Variants in CALY observed in about 807,000 individuals in gnomAD.
The protein encoded by CALY is neuron-specific vesicular protein calcyon.
Under a neutral mutation model 20.2 loss-of-function variants are expected in CALY, and 15 were observed. The ratio of observed to expected loss-of-function variants is 0.74; its 90% CI spans 0.50 to 1.14. The LOEUF is 1.14. CALY is among the 50% of genes most tolerant of loss of function. The pLI is 0.00. For missense variants in CALY, 270 were observed against 304.4 expected, an observed-to-expected ratio of 0.89 and a Z score of 0.84; for synonymous variants, 129 against 131.8, an observed-to-expected ratio of 0.98 and a Z score of 0.15.
intron 1 of CALY, among the ~76,000 whole-genome samples, chr10:133,329,428 C>T (rs1444663393): frequency 1.4e-5 from 2 of 141,544 alleles, no homozygotes; most frequent in Non-Finnish European, 3.0e-5. Context: ...GTTTTGTGGC[C>T]CAGGTGGGAG....
intron 1 of CALY, among the ~76,000 whole-genome samples, 195 bp downstream of exon 1, chr10:133,336,639 C>T (rs1266319477): frequency 2.0e-5 from 3 of 152,176 alleles, no homozygotes; most frequent in Non-Finnish European, 4.4e-5. Flanking sequence ...GGCGGCCGTG[C>T]AGCGCGCCCT....
At chr10:133,335,265 G>A (rs889564997) in intron 1 of CALY, among the ~76,000 whole-genome samples, 6 of 152,072 alleles carry the variant, frequency 3.9e-5, no homozygotes, top group African/African-American at 1.4e-4. Flanking sequence ...ACAGACGGGC[G>A]AGGGGGAGGC....
At chr10:133,327,662 A>G (rs1848235683) in intron 3 of CALY, 1 of 620,498 alleles carries the variant, frequency 1.6e-6, no homozygotes, top group Non-Finnish European at 2.9e-6. Context: ...ACTTCCCAGA[A>G]AGAAAAACAT....
intron 1 of CALY, among the ~76,000 whole-genome samples, chr10:133,329,834 C>T (rs1205793673): frequency 6.6e-6 from 1 of 151,058 alleles, no homozygotes; most frequent in Non-Finnish European, 1.5e-5. Flanking sequence ...CGGTATGGGA[C>T]GTGCTTATCC....
intron 1 of CALY, among the ~76,000 whole-genome samples, chr10:133,335,222 G>A (rs1040276644): frequency 1.2e-4 from 18 of 152,106 alleles, no homozygotes; most frequent in Admixed American, 3.9e-4. Flanking sequence ...GGGTCTCCCC[G>A]GAGCGGACGC....
chr10:133,332,247 A>G (rs185383329), intron 1 of CALY, among the ~76,000 whole-genome samples: 194 of 152,296 alleles, frequency 1.3e-3, no homozygotes, highest in African/African-American at 4.5e-3. Flanking sequence ...CACGTGACAC[A>G]CTTTGCACAC....
Position 133,328,904 on chromosome 10 carries a change from A to G in CALY, c.86T>C (p.Leu29Pro). The G allele has an allele frequency of 6.4e-7, 1 of 1,553,192 alleles. No individual in the cohort carries two copies. Among genetic ancestry groups the G allele is most frequent in the Non-Finnish European group, 8.7e-7 (1 of 1,148,706 alleles). ...QDGAAMDSVP[L>P]ISPLDISQLQ... ...CTGGCTGATGTCCAAGGGGCTGATC[A>G]GAGGCACACTGTCCATGGCAGCCCC... The change falls in exon 2 of 6, where the codon CTG becomes CCG. Residue 29 changes from leucine (L) to proline (P), a missense_variant. Transcript: ENST00000252939.
Position 133,336,888 on chromosome 10 carries a change from G to T in CALY, c.-75C>A. 1 of 152,436 alleles carries T rather than the reference G, an allele frequency of 6.6e-6. No individual in the cohort carries two copies. The highest frequency in any genetic ancestry group is 2.1e-4 in the South Asian group (1 of 4,846). The allele number at this position is 152,436 out of a possible 1,614,324, so 9.4% of individuals were successfully genotyped here. A position where few individuals can be genotyped will look rare whatever the true frequency, so the allele number is the denominator to read the frequency against. On this transcript the variant is annotated 5_prime_UTR_variant, in exon 1 of 6. Coordinates refer to ENST00000252939, the MANE Select transcript of CALY (RefSeq NM_015722.4). ...CGCGGTCGGGGAGGACGACGATGCG[G>T]ATGTGGATGCGGAGGATGCGGTTCC...
intron 1 of CALY, among the ~76,000 whole-genome samples, chr10:133,331,920 A>T (rs1308192125): frequency 6.6e-6 from 1 of 152,168 alleles, no homozygotes; most frequent in Non-Finnish European, 1.5e-5. Context: ...CAAGATCAGG[A>T]GTTTGAGACC....
chr10:133,328,313 G>C (rs532897804), intron 2 of CALY, among the ~76,000 whole-genome samples: 1 of 152,334 alleles, frequency 6.6e-6, no homozygotes, highest in East Asian at 1.9e-4. Flanking sequence ...AATTGCCCTT[G>C]GCCAGCAGGG....
rs139888672 is a variant in CALY, at chr10:133,328,923, C to G, written c.67G>C (p.Ala23Pro). ...GKDPGDQDGA[A>P]MDSVPLISPL... is the part of the protein sequence containing the mutation. ...CTGATCAGAGGCACACTGTCCATGG[C>G]AGCCCCATCCTGGTCCCCAGGGTCT... is the stretch of plus-strand genomic sequence containing the variant. The change falls in exon 2 of 6, where the codon GCC becomes CCC. Residue 23 changes from alanine to proline, a missense_variant. By Grantham distance (27) the Ala-to-Pro change is conservative. Coordinates refer to ENST00000252939, the MANE Select transcript of CALY (RefSeq NM_015722.4). The G allele has an allele frequency of 1.2e-5, 18 of 1,557,182 alleles. No individual in the cohort carries two copies. In the African/African-American group the frequency reaches 2.3e-4, roughly 20 times the overall value.
chr10:133,333,388 A>G lies in CALY; in HGVS notation c.-21+3446T>C, dbSNP rs1432570917. Among the ~76,000 whole-genome samples the G allele has an allele frequency of 2.8e-3, 248 of 88,116 alleles. 1 individual carries two copies. The highest frequency in any genetic ancestry group is 0.011 in the African/African-American group (239 of 22,642). The allele number at this position is 88,116 out of a possible 152,430, so 57.8% of individuals were successfully genotyped here. On this transcript the variant is annotated intron_variant, in intron 1 of 5. Coordinates refer to ENST00000252939, the MANE Select transcript of CALY (RefSeq NM_015722.4). ...GGTGGGGGTGGGGTGGAGGGGAGGG[A>G]TCCGAGCGGAGGGGTCCGAGGGTGG... is the stretch of plus-strand genomic sequence containing the variant.
At chr10:133,331,074 A>G (rs902267401) in intron 1 of CALY, among the ~76,000 whole-genome samples, 1 of 152,260 alleles carries the variant, frequency 6.6e-6, no homozygotes, top group Non-Finnish European at 1.5e-5. Context: ...ATCAATTGCT[A>G]GAGGAGCAGA....
chr10:133,325,910 G>C lies in CALY; in HGVS notation c.571C>G (p.Pro191Ala). 7.7e-7 allele frequency: 1 copy of C among 1,299,836 alleles called. No homozygotes were observed. Among genetic ancestry groups the C allele is most frequent in the South Asian group, 2.4e-5 (1 of 40,918 alleles). 80.5% of individuals were successfully genotyped at this position (1,299,836 alleles called of 1,614,324 possible). The change falls in exon 5 of 6, where the codon CCC (proline) becomes GCC (alanine). Residue 191 changes from proline to alanine, a missense_variant. Coordinates refer to ENST00000252939, the MANE Select transcript of CALY (RefSeq NM_015722.4). ...QAGAAAAATEPPGKPSAKAEK... is the reference protein window; with the variant it reads ...QAGAAAAATEAPGKPSAKAEK... ...GCCTTGGCCGACGGCTTCCCGGGGG[G>C]TTCGGTGGCCGCCGCCGCCGCCCCA...
At chr10:133,333,364 G>A (rs1848349309) in intron 1 of CALY, among the ~76,000 whole-genome samples, 3 of 143,534 alleles carry the variant, frequency 2.1e-5, no homozygotes, top group Admixed American at 7.0e-5. Context: ...GATTGCGCGG[G>A]TGGGGGTGGG....
intron 1 of CALY, among the ~76,000 whole-genome samples, chr10:133,331,302 C>T (rs1283042350): frequency 6.6e-6 from 1 of 152,182 alleles, no homozygotes; most frequent in Admixed American, 6.5e-5. Context: ...AAAGAAAGAG[C>T]TCCAGTGCCA....
At chr10:133,326,201 T>G (rs1316558518) in intron 4 of CALY, 81 bp from the exon 5 acceptor site, 1 of 1,555,790 alleles carries the variant, frequency 6.4e-7, no homozygotes, top group Non-Finnish European at 8.7e-7. Context: ...CTTCTGCGGT[T>G]GGGGACACTG....
intron 1 of CALY, among the ~76,000 whole-genome samples, chr10:133,336,078 G>T (rs2133387659): frequency 6.6e-6 from 1 of 152,226 alleles, no homozygotes; most frequent in Admixed American, 6.5e-5. Flanking sequence ...GCACCAGCGC[G>T]TGTGACTGCG....
chr10:133,333,290 G>T (rs1473840820), intron 1 of CALY, among the ~76,000 whole-genome samples: 1 of 38,628 alleles, frequency 2.6e-5, no homozygotes, highest in African/African-American at 9.6e-5. Context: ...GGATTGAGGG[G>T]GTGGGGGGGG....
Sources: gnomAD v4.1 joint callset for allele counts (sites outside exome capture counted in the v4.1 genomes callset) on GRCh38, gnomAD v4.1.1 for gene constraint, MANE v1.5 for transcripts, NCBI Gene and HGNC (gene_info 2026-07-23, HGNC 2026-07-21) for gene names.